Variants in PRAG1 observed in about 807,000 individuals in gnomAD.
PRAG1 encodes the protein inactive tyrosine-protein kinase PRAG1.
A neutral mutation model predicts 95.6 loss-of-function variants in PRAG1; 110 were observed. The ratio of observed to expected loss-of-function variants is 1.15; its 90% CI spans 0.99 to 1.35. The LOEUF (loss-of-function observed/expected upper bound fraction) is 1.35. PRAG1 is among the 40% of genes most tolerant of loss of function. The probability of loss-of-function intolerance (pLI) is 0.00; values close to 1 mark genes in which losing one functional copy is unlikely to be tolerated. For missense variants in PRAG1, 2,554 were observed against 1,864.7 expected (o/e 1.37, Z -6.81); for synonymous variants, 1,052 against 819.4 (o/e 1.28, Z -4.85).
chr8:8,362,927 A>C (rs1799888055), intron 3 of PRAG1, among the ~76,000 whole-genome samples: 1 of 152,186 alleles, frequency 6.6e-6, no homozygotes, highest in Non-Finnish European at 1.5e-5. Context: ...GTAAAGGCTT[A>C]TAGAAGCAAT....
At chr8:8,327,575 G>A in intron 5 of PRAG1, 135 bp downstream of exon 5, 1 of 1,061,090 alleles carries the variant, frequency 9.4e-7, no homozygotes, top group Non-Finnish European at 1.3e-6. Context: ...TATCTTACAA[G>A]AAAAAAAAGA....
At position 8,378,213 on chromosome 8, in the gene PRAG1, G is replaced by A. The variant is rs1336828192; in HGVS notation, c.331-135C>T. 5.0e-6 allele frequency: 5 copies of A among 995,632 alleles called. No homozygotes were observed. In the East Asian group the frequency reaches 1.4e-4, roughly 27 times the overall value. The allele number at this position is 995,632 out of a possible 1,614,324, so 61.7% of individuals were successfully genotyped here. A position where few individuals can be genotyped will look rare whatever the true frequency, so the allele number is the denominator to read the frequency against. On this transcript the variant is annotated intron_variant, in intron 2 of 5. Coordinates refer to ENST00000615670, the MANE Select transcript of PRAG1 (RefSeq NM_001080826.3). Reference sequence around the variant, plus strand: ...GTGCAGTGCAGGGGCGCTGGGGCCGGGGACTCAGTGCACGCCCACCTTCTC... The same window carrying A: ...GTGCAGTGCAGGGGCGCTGGGGCCGAGGACTCAGTGCACGCCCACCTTCTC...
chr8:8,378,045 G>T lies in PRAG1; in HGVS notation c.364C>A (p.Leu122Ile), dbSNP rs55764617. 2,966 of 1,552,614 alleles carry T rather than the reference G, an allele frequency of 1.9e-3. 42 individuals carry two copies. The African/African-American group carries it at 0.036, about 19-fold the overall frequency. Residue 122 changes from leucine to isoleucine, a missense_variant, in exon 3 of 6, where the codon CTC (leucine) becomes ATC (isoleucine). Physicochemically the swap from Leu to Ile is conservative, Grantham distance 5. Coordinates refer to ENST00000615670, the MANE Select transcript of PRAG1 (RefSeq NM_001080826.3). ...ACGGGGGCATCCTCCTGCTTCGGGA[G>T]GGGGAGCTTGCCAGGGGCTCGTCTC... ...IWRRAPGKLP[L>I]PKQEDAPVVY...
chr8:8,334,881 G>C (rs1331106417), intron 4 of PRAG1, among the ~76,000 whole-genome samples: 1 of 151,966 alleles, frequency 6.6e-6, no homozygotes. Flanking sequence ...TCAGGAGTTT[G>C]AGACCAGCCT....
chr8:8,371,131 CAAAAAAAA>C (rs549978543), intron 3 of PRAG1, among the ~76,000 whole-genome samples: 1 of 81,602 alleles, frequency 1.2e-5, no homozygotes, highest in Non-Finnish European at 2.8e-5. Flanking sequence ...GATTCTGTCT[CAAAAAAAA>C]AAAAAAAAAA....
Position 8,384,449 on chromosome 8 carries a change from G to A in PRAG1, c.-88+1872C>T, listed in dbSNP as rs571505604. ...TTTAGAGAGGCAACTTTCATCACACGACTGCCAGGGACGGATGGACGCAAA... is the reference window on the plus strand; with the variant it reads ...TTTAGAGAGGCAACTTTCATCACACAACTGCCAGGGACGGATGGACGCAAA... On this transcript the variant is annotated intron_variant, in intron 1 of 5. Transcript: ENST00000615670. 4.6e-5 allele frequency among the ~76,000 whole-genome samples: 7 copies of A among 152,030 alleles called. No individual in the cohort carries two copies. The East Asian group carries it at 1.2e-3, about 25-fold the overall frequency.
intron 5 of PRAG1, among the ~76,000 whole-genome samples, chr8:8,323,198 G>C (rs571112622): frequency 3.9e-5 from 6 of 152,274 alleles, no homozygotes; most frequent in African/African-American, 1.4e-4. Flanking sequence ...GTCCCCAAAC[G>C]AATCTCATCT....
rs959467759 is a variant in PRAG1, at chr8:8,378,077, A to G, written c.332T>C (p.Val111Ala). 3 of 1,524,886 alleles carry G rather than the reference A, an allele frequency of 2.0e-6. No homozygotes were observed. The highest frequency in any genetic ancestry group is 2.2e-5 in the Admixed American group (1 of 45,984). 94.5% of individuals were successfully genotyped at this position (1,524,886 alleles called of 1,614,324 possible). The change falls in exon 3 of 6, where the codon GTC (valine) becomes GCC (alanine). Residue 111 changes from valine to alanine, a missense_variant and splice_region_variant. Coordinates refer to ENST00000615670, the MANE Select transcript of PRAG1 (RefSeq NM_001080826.3). The stretch of plus-strand genomic sequence containing the variant: ...CTTGCCAGGGGCTCGTCTCCAGATG[A>G]CCTACACACAAGCCCAACGCAAAAA... ...EANLSAEVSQ[V>A]IWRRAPGKLP...
chr8:8,351,427 G>A (rs1039041434), intron 3 of PRAG1, among the ~76,000 whole-genome samples: 1 of 152,172 alleles, frequency 6.6e-6, no homozygotes, highest in Admixed American at 6.5e-5. Context: ...ATATGACTGA[G>A]TAATTCTTTT....
chr8:8,364,676 T>G (rs11996133), intron 3 of PRAG1, among the ~76,000 whole-genome samples: 21,989 of 152,096 alleles, frequency 0.14, 1,734 homozygotes, highest in East Asian at 0.26. Flanking sequence ...TGTTTTTTTT[T>G]TTGTTTTCTC....
At chr8:8,354,896 T>C (rs959210117) in intron 3 of PRAG1, among the ~76,000 whole-genome samples, 2 of 152,086 alleles carry the variant, frequency 1.3e-5, no homozygotes, top group Non-Finnish European at 2.9e-5. Flanking sequence ...CCACTTCATA[T>C]TCATCATTGT....
At chr8:8,366,313 C>CTTT (rs36037685) in intron 3 of PRAG1, among the ~76,000 whole-genome samples, 5 of 133,976 alleles carry the variant, frequency 3.7e-5, no homozygotes, top group Admixed American at 7.6e-5. Context: ...CATGGGAATT[C>CTTT]TTTTTTTTTT....
chr8:8,376,342 G>A lies in PRAG1; in HGVS notation c.2067C>T (p.Thr689=), dbSNP rs17150802. Residue 689 remains threonine, a synonymous_variant, in exon 3 of 6, where the codon ACC becomes ACT. Transcript: ENST00000615670. The part of the protein sequence containing the change: ...GSSGQNSKVG[T]GMSKSASFAF... ...CAAAAGAGGCGGATTTGCTCATCCC[G>A]GTCCCAACTTTGCTGTTCTGCCCAG... 1.4e-3 allele frequency: 2,275 copies of A among 1,614,160 alleles called. 27 individuals are homozygous for A. The African/African-American group carries it at 0.027, about 19-fold the overall frequency.
At chr8:8,332,404 T>C (rs1050136261) in intron 4 of PRAG1, among the ~76,000 whole-genome samples, 3 of 152,130 alleles carry the variant, frequency 2.0e-5, no homozygotes, top group Admixed American at 6.5e-5. Context: ...CTTCAGGTGA[T>C]CCACCCACCT....
rs1355079318 is a variant in PRAG1, at chr8:8,376,547, G to A, written c.1862C>T (p.Ser621Leu). 15 of 1,609,194 alleles carry A rather than the reference G, an allele frequency of 9.3e-6. No individual in the cohort carries two copies. The highest frequency in any genetic ancestry group is 1.7e-4 in the Middle Eastern group (1 of 6,060). ...RCPQPAASSA[S>L]EQRRPRFQAG... ...CTGGAACCTGGGCCGCCTCTGTTCC[G>A]AGGCTGACGAGGCGGCAGGCTGGGG... The change falls in exon 3 of 6, where the codon TCG (serine) becomes TTG (leucine). Residue 621 changes from serine to leucine, a missense_variant. By Grantham distance (145) the Ser-to-Leu change is moderately radical. Transcript: ENST00000615670.
chr8:8,328,619 T>C (rs1798725286), intron 4 of PRAG1, among the ~76,000 whole-genome samples, 158 bp from the exon 5 acceptor site: 1 of 152,174 alleles, frequency 6.6e-6, no homozygotes, highest in Non-Finnish European at 1.5e-5. Flanking sequence ...ATATGCACAA[T>C]GGAAAAAATC....
intron 3 of PRAG1, among the ~76,000 whole-genome samples, chr8:8,346,927 C>G (rs962907189): frequency 6.6e-6 from 1 of 152,180 alleles, no homozygotes; most frequent in African/African-American, 2.4e-5. Flanking sequence ...TAAATCCCAG[C>G]AGGCATTCAC....
chr8:8,328,077 C>T lies in PRAG1; in HGVS notation c.2705G>A (p.Arg902Lys), dbSNP rs564448328. ...WLPAAGLAGN[R>K]GGCGSPGLQC... Reference sequence around the variant, plus strand: ...GAGGCCAGGGCTCCCGCAGCCGCCTCTGTTGCCCGCCAGCCCTGCTGCCGG... The same window carrying T: ...GAGGCCAGGGCTCCCGCAGCCGCCTTTGTTGCCCGCCAGCCCTGCTGCCGG... The change falls in exon 5 of 6, where the codon AGA (arginine) becomes AAA (lysine). Residue 902 changes from arginine (R) to lysine (K), a missense_variant. Arg to Lys is a conservative substitution (Grantham distance 26). Coordinates refer to ENST00000615670, the MANE Select transcript of PRAG1 (RefSeq NM_001080826.3). 5 of 1,606,788 alleles carry T rather than the reference C, an allele frequency of 3.1e-6. No homozygotes were observed. The East Asian group carries it at 8.9e-5, about 29-fold the overall frequency.
At position 8,328,186 on chromosome 8, in the gene PRAG1, A is replaced by T; in HGVS notation, c.2596T>A (p.Leu866Met). The change falls in exon 5 of 6, where the codon TTG becomes ATG. Residue 866 changes from leucine to methionine, a missense_variant. Leu to Met is a conservative substitution (Grantham distance 15). Transcript: ENST00000615670. Reference protein sequence around the residue: ...VHDESHFSYSLSPGNRHHPVF... With the variant: ...VHDESHFSYSMSPGNRHHPVF... ...GGATGGTGGCGGTTCCCGGGGCTCA[A>T]CGAATAGCTAAAGTGAGATTCGTCG... The T allele has an allele frequency of 6.2e-7, 1 of 1,614,198 alleles. No individual in the cohort carries two copies. The highest frequency in any genetic ancestry group is 8.5e-7 in the Non-Finnish European group (1 of 1,180,030).
Sources: allele counts gnomAD v4.1 joint callset (sites outside exome capture counted in the v4.1 genomes callset), GRCh38; gene constraint gnomAD v4.1.1; transcripts MANE v1.5; gene names NCBI Gene and HGNC (gene_info 2026-07-23, HGNC 2026-07-21).